The following PDE4C variants were observed in gnomAD, a reference collection of about 807,000 sequenced individuals.
PDE4C encodes phosphodiesterase 4C.
A neutral mutation model predicts 63.9 loss-of-function variants in PDE4C; 50 were observed. The ratio of observed to expected loss-of-function variants is 0.78; its 90% CI spans 0.62 to 0.99. The LOEUF (loss-of-function observed/expected upper bound fraction) is 0.99, where lower values mean the gene tolerates loss of function less well. Among genes scored for constraint, PDE4C ranks in the 50% least tolerant of loss-of-function variants. The pLI, the probability that PDE4C is intolerant of heterozygous loss-of-function variation, is 0.00. For synonymous variants in PDE4C, 377 were observed against 385.1 expected (o/e 0.98, Z 0.25); for missense variants, 777 against 899.1 (o/e 0.86, Z 1.74).
At chr19:18,209,562 A>AT (rs967566867), downstream of PDE4C, 37 of 150,904 alleles carry the variant, frequency 2.5e-4, 1 homozygote, top group African/African-American at 8.5e-4. Flanking sequence ...AATTTTTTGT[A>AT]TTTTTAGTAG....
At chr19:18,240,193 T>C (rs1413742981) in intron 1 of PDE4C, among the ~76,000 whole-genome samples, 3 of 151,996 alleles carry the variant, frequency 2.0e-5, no homozygotes, top group Admixed American at 6.6e-5. Flanking sequence ...CTCATGTCTG[T>C]AGTCCCAGCA....
intron 12 of PDE4C, among the ~76,000 whole-genome samples, chr19:18,216,298 G>T (rs1435721516): frequency 6.8e-6 from 1 of 147,256 alleles, no homozygotes; most frequent in Non-Finnish European, 1.5e-5. Flanking sequence ...TCACTCTGTT[G>T]CTGAGACTGG....
upstream of PDE4C, among the ~76,000 whole-genome samples, chr19:18,229,083 G>A (rs762905723): frequency 5.9e-4 from 86 of 145,668 alleles, no homozygotes; most frequent in Admixed American, 7.6e-4. Flanking sequence ...TTACAGGCAT[G>A]TGCCACCATG....
intron 12 of PDE4C, among the ~76,000 whole-genome samples, chr19:18,216,450 T>A (rs942684802): frequency 2.6e-5 from 4 of 151,776 alleles, no homozygotes; most frequent in African/African-American, 9.7e-5. Context: ...AATTTTTGTA[T>A]TTTTAGTAGA....
chr19:18,226,605 CTTTTTTTTT>C, upstream of PDE4C: 1 of 203,718 alleles, frequency 4.9e-6, no homozygotes, highest in Non-Finnish European at 8.7e-6. Context: ...CTCTCTGCTC[CTTTTTTTTT>C]TTTTTTTTTT....
upstream of PDE4C, among the ~76,000 whole-genome samples, chr19:18,250,908 A>T (rs1969222230): frequency 6.6e-6 from 1 of 151,382 alleles, no homozygotes; most frequent in South Asian, 2.1e-4. Flanking sequence ...CCAGTAGCTG[A>T]GACTACAAGT....
chr19:18,232,029 C>G (rs972998985), intron 1 of PDE4C, among the ~76,000 whole-genome samples: 6 of 152,110 alleles, frequency 3.9e-5, no homozygotes, highest in African/African-American at 1.4e-4. Flanking sequence ...ACTCCTCCCC[C>G]CAACACTGGA....
Position 18,220,313 on chromosome 19 carries a change from G to C in PDE4C, c.619C>G (p.Arg207Gly). Reference sequence around the variant, plus strand: ...TGGGTCAACTCCCGGTTCAGGATCCGCTTGAACTGGGGCGGAGAGAAGGTG... The same window carrying C: ...TGGGTCAACTCCCGGTTCAGGATCCCCTTGAACTGGGGCGGAGAGAAGGTG... The change falls in exon 7 of 15, where the codon CGG becomes GGG. Residue 207 changes from arginine (R) to glycine (G), a missense_variant. Coordinates refer to ENST00000262805, the Ensembl canonical transcript of PDE4C. This position sits in a 1 kb window ranked among gnomAD's most constrained non-coding sequence, Gnocchi z 5.1. 2 of 1,613,998 alleles carry C rather than the reference G, an allele frequency of 1.2e-6. No homozygotes were observed. Among genetic ancestry groups the C allele is most frequent in the Non-Finnish European group, 1.7e-6 (2 of 1,179,924 alleles).
In PDE4C at chr19:18,218,417, C is replaced by T. The variant is rs199850000; in HGVS notation, c.1051G>A (p.Ala351Thr). 186 of 1,614,088 alleles carry T rather than the reference C, an allele frequency of 1.2e-4. No homozygotes were observed. Among genetic ancestry groups the T allele is most frequent in the Non-Finnish European group, 1.4e-4 (162 of 1,180,038 alleles). ...AGGCTGTTGTGGTAGGCCACATTGGCGTGGTAGTGACCTTCCAGCATCAGC... is the reference window on the plus strand; with the variant it reads ...AGGCTGTTGTGGTAGGCCACATTGGTGTGGTAGTGACCTTCCAGCATCAGC... Residue 351 changes from alanine to threonine, a missense_variant, in exon 10 of 15, where the codon GCC (alanine) becomes ACC (threonine). This residue lies in a region of PDE4C where 500 missense variants were observed against 597.8 expected (regional missense o/e 0.84). Coordinates refer to ENST00000262805, the Ensembl canonical transcript of PDE4C.
upstream of PDE4C, among the ~76,000 whole-genome samples, chr19:18,230,472 C>T (rs146035597): frequency 7.2e-5 from 11 of 152,130 alleles, no homozygotes; most frequent in East Asian, 1.7e-3. Context: ...CCACTGCACC[C>T]GGCCTGGGCA....
At chr19:18,236,211 G>A (rs1968948713), upstream of PDE4C, among the ~76,000 whole-genome samples, 1 of 151,822 alleles carries the variant, frequency 6.6e-6, no homozygotes, top group African/African-American at 2.4e-5. Context: ...CCAAAGTGCT[G>A]GGATTACAGG....
In PDE4C at chr19:18,220,270, C is replaced by A. The variant is rs150688284; in HGVS notation, c.662G>T (p.Arg221Leu). ...GTACTCGGACACCTGGTTCCCGGAG[C>A]GGCTGGTTTCGGACAGGTGGGTCAA... The change falls in exon 7 of 15, where the codon CGC becomes CTC. Residue 221 changes from arginine to leucine, a missense_variant. By Grantham distance (102) the Arg-to-Leu change is moderately radical. This residue lies in a region of PDE4C where 500 missense variants were observed against 597.8 expected (regional missense o/e 0.84). Coordinates refer to ENST00000262805, the Ensembl canonical transcript of PDE4C. This position sits in a 1 kb window ranked among gnomAD's most constrained non-coding sequence, Gnocchi z 5.1. 3.7e-6 allele frequency: 6 copies of A among 1,614,124 alleles called. No homozygotes were observed. The highest frequency in any genetic ancestry group is 1.3e-5 in the African/African-American group (1 of 75,052).
chr19:18,243,045 G>T (rs1001742475), intron 1 of PDE4C, among the ~76,000 whole-genome samples: 1 of 152,106 alleles, frequency 6.6e-6, no homozygotes, highest in African/African-American at 2.4e-5. Flanking sequence ...GATATGTTTT[G>T]GGGGCTGAAA....
chr19:18,213,983 G>T (rs1249569781), intron 12 of PDE4C, among the ~76,000 whole-genome samples: 1 of 152,186 alleles, frequency 6.6e-6, no homozygotes, highest in Non-Finnish European at 1.5e-5. Flanking sequence ...CTCAGGCTGG[G>T]CGCCGTGGCT....
intron 1 of PDE4C, chr19:18,232,825 G>T: frequency 8.7e-7 from 1 of 1,146,350 alleles, no homozygotes; most frequent in Non-Finnish European, 1.2e-6. Flanking sequence ...TTCCTTCCAG[G>T]CGCCAGCCTC....
exon 14 of PDE4C, chr19:18,211,883 A>C (rs777177447): frequency 1.2e-6 from 2 of 1,614,100 alleles, no homozygotes; most frequent in African/African-American, 1.3e-5. Flanking sequence ...CTGGCGGTAC[A>C]GGGGCAGCGG....
the PDE4C span, chr19:18,255,181 T>TC: frequency 2.6e-6 from 1 of 385,896 alleles, no homozygotes; most frequent in Non-Finnish European, 4.6e-6. This position sits in a 1 kb window ranked among gnomAD's most constrained non-coding sequence, Gnocchi z 4.6. Flanking sequence ...CCCCCACCCT[T>TC]CCGCTTTCTG....
At chr19:18,226,594 ACT>A (rs1008041366), upstream of PDE4C, 5 of 393,484 alleles carry the variant, frequency 1.3e-5, no homozygotes, top group Non-Finnish European at 2.2e-5. Flanking sequence ...GTCAGACGCA[ACT>A]CTCTGCTCCT....
chr19:18,255,163 G>A, the PDE4C span: 9 of 398,342 alleles, frequency 2.3e-5, no homozygotes, highest in South Asian at 1.3e-4. This position sits in a 1 kb window ranked among gnomAD's most constrained non-coding sequence, Gnocchi z 4.6. Context: ...TGGGCTGTGC[G>A]TCCCCCACCC....
Sources: allele counts gnomAD v4.1 joint callset (sites outside exome capture counted in the v4.1 genomes callset), GRCh38; gene constraint gnomAD v4.1.1; regional missense constraint gnomAD v4.1.1; non-coding constraint Gnocchi (gnomAD v3.1); transcripts MANE v1.5; gene names NCBI Gene and HGNC (gene_info 2026-07-23, HGNC 2026-07-21).